KDM6A: variants seen among roughly 807,000 people sequenced by gnomAD.
KDM6A encodes lysine demethylase 6A, also known as lysine-specific demethylase 6A.
In KDM6A, 11 loss-of-function variants were observed where a neutral mutation model predicts 117.6. The observed-to-expected ratio is 0.09, with a 90% CI of 0.06 to 0.15. The LOEUF is 0.15. KDM6A is among the 10% of genes least tolerant of loss of function. KDM6A has a pLI of 1.00. For missense variants in KDM6A, 799 were observed against 1,077.3 expected, an observed-to-expected ratio of 0.74 and a Z score of 3.62; for synonymous variants, 384 against 396.1, an observed-to-expected ratio of 0.97 and a Z score of 0.36.
At chrX:45,095,323 TAA>T (rs2046057450) in intron 27 of KDM6A, among the ~76,000 whole-genome samples, 1 of 110,854 alleles carries the variant, frequency 9.0e-6, no homozygotes, top group Non-Finnish European at 1.9e-5. Flanking sequence ...GGGGAGCCAT[TAA>T]AAGAGTTAGA....
rs10605935 is a variant in KDM6A, at chrX:45,076,679, CTTT to C, written c.2859-7_2859-5del. 1,431 of 805,245 alleles carry C rather than the reference CTTT, an allele frequency of 1.8e-3. 2 individuals are homozygous for C. The highest frequency in any genetic ancestry group is 7.9e-3 in the East Asian group (205 of 25,879). 66.4% of individuals were successfully genotyped at this position (805,245 alleles called of 1,213,427 possible). On this transcript the variant is annotated splice_polypyrimidine_tract_variant and intron_variant, in intron 18 of 29. Transcript: ENST00000611820. ...CAAATAAATGTACAACTGATTATCCCTTTTTTTTTTTTTCCAGGAATCTAGGTA... is the reference window on the plus strand; with the variant it reads ...CAAATAAATGTACAACTGATTATCCCTTTTTTTTTTCCAGGAATCTAGGTA...
At chrX:44,888,131 C>T (rs1289121673) in intron 2 of KDM6A, among the ~76,000 whole-genome samples, 1 of 111,342 alleles carries the variant, frequency 9.0e-6, no homozygotes, top group African/African-American at 3.3e-5. Context: ...ATGGTGAAAC[C>T]TCGTCTCTAC....
intron 4 of KDM6A, among the ~76,000 whole-genome samples, chrX:44,986,717 A>G (rs1366705709): frequency 6.3e-5 from 7 of 111,762 alleles, no homozygotes; most frequent in Non-Finnish European, 1.3e-4. Context: ...GTAGTTGAGC[A>G]GTTTTGATTG....
At chrX:44,878,073 A>G (rs1174706850) in intron 2 of KDM6A, among the ~76,000 whole-genome samples, 1 of 111,719 alleles carries the variant, frequency 9.0e-6, no homozygotes, top group African/African-American at 3.3e-5. Context: ...GCTGGCACTT[A>G]AAGGCATACA....
At chrX:45,104,046 C>T (rs1482010920) in intron 27 of KDM6A, among the ~76,000 whole-genome samples, 2 of 94,639 alleles carry the variant, frequency 2.1e-5, no homozygotes, top group African/African-American at 4.0e-5. Context: ...TTTTTTGAGA[C>T]GGAGTTTCGC....
At chrX:44,961,641 C>G (rs960632848) in intron 3 of KDM6A, among the ~76,000 whole-genome samples, 2 of 111,805 alleles carry the variant, frequency 1.8e-5, no homozygotes, top group African/African-American at 3.3e-5. Context: ...GAAAGGCCTT[C>G]CCATAGTAGA....
At chrX:44,879,186 A>G (rs778594093) in intron 2 of KDM6A, among the ~76,000 whole-genome samples, 47 of 112,414 alleles carry the variant, frequency 4.2e-4, no homozygotes, top group Non-Finnish European at 7.1e-4. Flanking sequence ...TTTTGTTTAC[A>G]TAGTACCAAT....
At chrX:44,972,821 G>A (rs1331812736) in intron 3 of KDM6A, among the ~76,000 whole-genome samples, 1 of 110,950 alleles carries the variant, frequency 9.0e-6, no homozygotes, top group Non-Finnish European at 1.9e-5. Context: ...GATCACTTGA[G>A]GTCGGGAGTT....
At chrX:44,894,618 TTAA>T (rs1367973129) in intron 2 of KDM6A, among the ~76,000 whole-genome samples, 9 of 94,225 alleles carry the variant, frequency 9.6e-5, no homozygotes, top group South Asian at 5.1e-4. Flanking sequence ...AATTAATTAA[TTAA>T]TTTTTTTTTT....
intron 4 of KDM6A, among the ~76,000 whole-genome samples, chrX:45,001,207 A>G (rs762855105): frequency 7.2e-5 from 8 of 111,757 alleles, no homozygotes; most frequent in Non-Finnish European, 1.1e-4. Context: ...CCCCCATACC[A>G]TAAAACCGGC....
At chrX:45,002,448 A>G (rs141394475) in intron 4 of KDM6A, among the ~76,000 whole-genome samples, 5,456 of 112,214 alleles carry the variant, frequency 0.049, 336 homozygotes, top group African/African-American at 0.17. Context: ...AACTTTAGCC[A>G]GTATGTTTAC....
intron 5 of KDM6A, among the ~76,000 whole-genome samples, chrX:45,017,015 G>A: frequency 9.6e-6 from 1 of 103,803 alleles, no homozygotes; most frequent in South Asian, 4.0e-4. Context: ...TTTTTAAAAT[G>A]GTTAACAGTG....
Position 44,989,196 on chromosome X carries a change from C to T in KDM6A, c.384+14481C>T, listed in dbSNP as rs73490923. On this transcript the variant is annotated intron_variant, in intron 4 of 29. Coordinates refer to ENST00000611820, the MANE Select transcript of KDM6A (RefSeq NM_001291415.2). ...AGTGAGGGTCCCTGGGCTTAGGACC[C>T]TCCGAGCCAGACACGGGATATAATC... 5.9e-3 allele frequency among the ~76,000 whole-genome samples: 598 copies of T among 101,007 alleles called. 8 individuals carry two copies. Among genetic ancestry groups the T allele is most frequent in the African/African-American group, 0.021 (573 of 27,365 alleles). 87.7% of individuals were successfully genotyped at this position (101,007 alleles called of 115,157 possible).
chrX:45,011,092 A>AT lies in KDM6A; in HGVS notation c.443+79dup, dbSNP rs1365612196. Reference sequence around the variant, plus strand: ...TGTTTGCTTGTTTTGTTTGTGCTTGATTTTTTGTGTGTGTGTGTAATAAAT... The same window carrying AT: ...TGTTTGCTTGTTTTGTTTGTGCTTGATTTTTTTGTGTGTGTGTGTAATAAAT... On this transcript the variant is annotated intron_variant, in intron 5 of 29. Transcript: ENST00000611820. The AT allele has an allele frequency of 1.8e-5, 14 of 792,135 alleles. No homozygotes were observed. In the African/African-American group the frequency reaches 2.5e-4, roughly 14 times the overall value. The allele number at this position is 792,135 out of a possible 1,213,427, so 65.3% of individuals were successfully genotyped here. A position where few individuals can be genotyped will look rare whatever the true frequency, so the allele number is the denominator to read the frequency against.
chrX:44,882,575 A>G, intron 2 of KDM6A, among the ~76,000 whole-genome samples: 1 of 112,549 alleles, frequency 8.9e-6, no homozygotes, highest in Non-Finnish European at 1.9e-5. Context: ...GTGATAGAAT[A>G]TTACATAATA....
intron 21 of KDM6A, 28 bp from the exon 22 acceptor site, chrX:45,082,548 A>G (rs752286907): frequency 3.7e-6 from 4 of 1,077,266 alleles, no homozygotes; most frequent in Non-Finnish European, 5.2e-6. Flanking sequence ...AGAACACTAA[A>G]CTAGACTGCT....
chrX:44,973,144 CA>C (rs969459042), intron 3 of KDM6A, among the ~76,000 whole-genome samples: 8 of 110,450 alleles, frequency 7.2e-5, no homozygotes, highest in African/African-American at 1.3e-4. Flanking sequence ...AGAACATGGT[CA>C]AAAAAAAGCC....
chrX:45,103,109 T>C (rs750392487), intron 27 of KDM6A, among the ~76,000 whole-genome samples: 34 of 111,477 alleles, frequency 3.0e-4, no homozygotes, highest in Non-Finnish European at 5.3e-4. Flanking sequence ...TATCTTCACA[T>C]TGATATTTGG....
At chrX:45,001,919 G>A (rs763400285) in intron 4 of KDM6A, among the ~76,000 whole-genome samples, 1 of 111,061 alleles carries the variant, frequency 9.0e-6, no homozygotes, top group South Asian at 3.9e-4. Flanking sequence ...TGATGAGAAC[G>A]TGATCCTCAG....
Sources: gnomAD v4.1 joint callset for allele counts (sites outside exome capture counted in the v4.1 genomes callset) on GRCh38, gnomAD v4.1.1 for gene constraint, MANE v1.5 for transcripts, NCBI Gene and HGNC (gene_info 2026-07-23, HGNC 2026-07-21) for gene names.